Variants in PTPRT observed in about 807,000 individuals in gnomAD.
PTPRT encodes the protein receptor-type tyrosine-protein phosphatase T.
Under a neutral mutation model 176.8 loss-of-function variants are expected in PTPRT, and 56 were observed. The observed-to-expected ratio is 0.32, with a 90% CI of 0.26 to 0.40. The LOEUF (loss-of-function observed/expected upper bound fraction) is 0.40, where lower values mean the gene tolerates loss of function less well. Among genes scored for constraint, PTPRT ranks in the 10% least tolerant of loss-of-function variants. The pLI is 1.00. For missense variants in PTPRT, 1,540 were observed against 1,908.2 expected, an observed-to-expected ratio of 0.81 and a Z score of 3.60; for synonymous variants, 783 against 739.0, an observed-to-expected ratio of 1.06 and a Z score of -0.96.
intron 7 of PTPRT, among the ~76,000 whole-genome samples, chr20:42,568,586 G>T (rs1438152907): frequency 6.6e-6 from 1 of 152,106 alleles, no homozygotes; most frequent in Non-Finnish European, 1.5e-5. Context: ...GCCCCTCTGG[G>T]TTGGCTCTCA....
intron 9 of PTPRT, among the ~76,000 whole-genome samples, chr20:42,439,652 A>G (rs2059294279): frequency 1.3e-5 from 2 of 152,186 alleles, no homozygotes; most frequent in African/African-American, 4.8e-5. Flanking sequence ...TTTAGCTAGG[A>G]TTACATATCA....
intron 8 of PTPRT, among the ~76,000 whole-genome samples, chr20:42,463,511 G>A (rs1408984221): frequency 6.6e-6 from 1 of 152,136 alleles, no homozygotes; most frequent in African/African-American, 2.4e-5. Context: ...GTGCCTTAAA[G>A]TCAGGTGGTA....
chr20:42,832,391 GA>G (rs1369874428), intron 2 of PTPRT, among the ~76,000 whole-genome samples: 1 of 151,900 alleles, frequency 6.6e-6, no homozygotes, highest in African/African-American at 2.4e-5. Context: ...GAGGGGATCA[GA>G]AAAAATTAAC....
At chr20:43,178,942 G>A (rs531198614) in intron 1 of PTPRT, among the ~76,000 whole-genome samples, 11 of 152,338 alleles carry the variant, frequency 7.2e-5, no homozygotes, top group Admixed American at 3.3e-4. Context: ...AGGACTTAGG[G>A]TTGGAACCAT....
At chr20:42,994,462 G>T (rs1600632117) in intron 1 of PTPRT, among the ~76,000 whole-genome samples, 1 of 151,718 alleles carries the variant, frequency 6.6e-6, no homozygotes, top group African/African-American at 2.4e-5. Context: ...CTGCTCCAAA[G>T]GTGAGTACCA....
chr20:42,816,356 G>A (rs112795270), intron 2 of PTPRT, among the ~76,000 whole-genome samples: 6 of 152,270 alleles, frequency 3.9e-5, no homozygotes, highest in African/African-American at 1.4e-4. Flanking sequence ...CCTAGCACAC[G>A]GTTTGGTTTT....
At chr20:42,859,669 C>T (rs575760483) in intron 2 of PTPRT, among the ~76,000 whole-genome samples, 93 of 149,930 alleles carry the variant, frequency 6.2e-4, no homozygotes, top group Admixed American at 1.5e-3. Context: ...CTGCAAGCTC[C>T]GCCTCCCAGG....
At chr20:42,799,735 C>T (rs1005524481) in intron 2 of PTPRT, among the ~76,000 whole-genome samples, 1 of 152,216 alleles carries the variant, frequency 6.6e-6, no homozygotes, top group African/African-American at 2.4e-5. Flanking sequence ...TCTTCCTATG[C>T]ACCCATTTTA....
At chr20:42,993,345 G>C (rs1283296657) in intron 1 of PTPRT, among the ~76,000 whole-genome samples, 1 of 148,542 alleles carries the variant, frequency 6.7e-6, no homozygotes, top group Admixed American at 6.7e-5. Context: ...GTGAACCTGG[G>C]AGGCAGAGCT....
intron 1 of PTPRT, among the ~76,000 whole-genome samples, chr20:43,045,868 G>T (rs910829): frequency 4.6e-5 from 7 of 151,942 alleles, no homozygotes; most frequent in Non-Finnish European, 8.8e-5. Flanking sequence ...GGTGAAAAGG[G>T]ATGAAAGGAG....
intron 17 of PTPRT, among the ~76,000 whole-genome samples, chr20:42,152,966 C>T (rs1367263044): frequency 5.3e-5 from 8 of 152,286 alleles, no homozygotes; most frequent in South Asian, 2.1e-4. Flanking sequence ...TTAATCATTT[C>T]GTTTTTTGCT....
chr20:42,282,486 T>C lies in PTPRT; in HGVS notation c.2176+3A>G, dbSNP rs930246743. ...GAAGACAGACAAGCAGATGCCAACA[T>C]ACCTTTTGTAGCCAGACGAACACAG... On this transcript the variant is annotated splice_donor_region_variant and intron_variant, in intron 13 of 30. Coordinates refer to ENST00000373187, the MANE Select transcript of PTPRT (RefSeq NM_007050.6). 3 of 1,610,268 alleles carry C rather than the reference T, an allele frequency of 1.9e-6. No individual in the cohort carries two copies. Among genetic ancestry groups the C allele is most frequent in the Admixed American group, 3.4e-5 (2 of 59,620 alleles).
chr20:42,893,248 A>G (rs1331546089), intron 1 of PTPRT, among the ~76,000 whole-genome samples: 2 of 152,248 alleles, frequency 1.3e-5, no homozygotes, highest in African/African-American at 2.4e-5. Context: ...CAGCCAAAAG[A>G]CACATGAAAA....
chr20:42,043,123 G>A, the PTPRT span, among the ~76,000 whole-genome samples: 1 of 152,198 alleles, frequency 6.6e-6, no homozygotes. Flanking sequence ...CCAGAGTGTG[G>A]TCCACAGAAC....
At chr20:42,456,200 T>C (rs2070921287) in intron 8 of PTPRT, among the ~76,000 whole-genome samples, 1 of 152,042 alleles carries the variant, frequency 6.6e-6, no homozygotes, top group Admixed American at 6.6e-5. Flanking sequence ...TACCACATAC[T>C]TGTTAGGTTA....
chr20:43,147,685 C>T (rs2146413636), intron 1 of PTPRT, among the ~76,000 whole-genome samples: 1 of 152,310 alleles, frequency 6.6e-6, no homozygotes, highest in South Asian at 2.1e-4. Flanking sequence ...AGCAAAACAG[C>T]TCTGCATCAT....
At chr20:42,260,941 A>C (rs537248004) in intron 13 of PTPRT, among the ~76,000 whole-genome samples, 1 of 152,176 alleles carries the variant, frequency 6.6e-6, no homozygotes, top group African/African-American at 2.4e-5. Context: ...CTCTTGGCCA[A>C]GGTTTTCTTG....
At chr20:43,102,506 G>A (rs1260852822) in intron 1 of PTPRT, among the ~76,000 whole-genome samples, 1 of 152,204 alleles carries the variant, frequency 6.6e-6, no homozygotes, top group Admixed American at 6.5e-5. Flanking sequence ...AGAGAGAACA[G>A]AGTATGACAG....
intron 11 of PTPRT, among the ~76,000 whole-genome samples, chr20:42,340,754 C>A (rs573527578): frequency 6.6e-6 from 1 of 152,026 alleles, no homozygotes; most frequent in East Asian, 1.9e-4. Context: ...CGAGAGCCAT[C>A]GGTTATCAGC....
Sources: allele counts gnomAD v4.1 joint callset (sites outside exome capture counted in the v4.1 genomes callset), GRCh38; gene constraint gnomAD v4.1.1; transcripts MANE v1.5; gene names NCBI Gene and HGNC (gene_info 2026-07-23, HGNC 2026-07-21).